NUAK1: variants seen among roughly 807,000 people sequenced by gnomAD.
NUAK1 encodes the protein NUAK family kinase 1, also known as NUAK family SNF1-like kinase 1.
A neutral mutation model predicts 56.9 loss-of-function variants in NUAK1; 26 were observed. The ratio of observed to expected loss-of-function variants is 0.46; its 90% CI spans 0.33 to 0.63. NUAK1 has a LOEUF of 0.63. NUAK1 is among the 30% of genes least tolerant of loss of function. The pLI, the probability that NUAK1 is intolerant of heterozygous loss-of-function variation, is 0.02. For missense variants in NUAK1, 727 were observed against 876.1 expected, an observed-to-expected ratio of 0.83 and a Z score of 2.15; for synonymous variants, 337 against 336.0, an observed-to-expected ratio of 1.00 and a Z score of -0.03.
At chr12:106,069,303 CCTT>C (rs1346545077) in intron 6 of NUAK1, among the ~76,000 whole-genome samples, 1 of 152,164 alleles carries the variant, frequency 6.6e-6, no homozygotes, top group Non-Finnish European at 1.5e-5. Context: ...CAACACTCTG[CCTT>C]CTTATTTCAG....
chr12:106,110,144 C>A (rs1230143536), intron 1 of NUAK1, among the ~76,000 whole-genome samples: 2 of 152,108 alleles, frequency 1.3e-5, no homozygotes, highest in Non-Finnish European at 2.9e-5. Flanking sequence ...CATCTTGAAC[C>A]CAAAAAGCAA....
chr12:106,070,583 AT>A (rs2136456020), intron 6 of NUAK1, among the ~76,000 whole-genome samples, 190 bp downstream of exon 6: 1 of 152,316 alleles, frequency 6.6e-6, no homozygotes, highest in African/African-American at 2.4e-5. Flanking sequence ...TGCTCTGAAA[AT>A]TTCCTTTGGG....
chr12:106,075,929 T>C (rs186620538), intron 4 of NUAK1, among the ~76,000 whole-genome samples: 42 of 152,374 alleles, frequency 2.8e-4, no homozygotes, highest in African/African-American at 9.9e-4. Context: ...GTTTCCATTA[T>C]ACTTAGTTTT....
In NUAK1 at chr12:106,067,244, T is replaced by C. The variant is rs115159926; in HGVS notation, c.1544A>G (p.His515Arg). 6.2e-7 allele frequency: 1 copy of C among 1,613,540 alleles called. No homozygotes were observed. The highest frequency in any genetic ancestry group is 8.5e-7 in the Non-Finnish European group (1 of 1,179,966). The change falls in exon 7 of 7, where the codon CAC (histidine) becomes CGC (arginine). Residue 515 changes from histidine to arginine, a missense_variant. Physicochemically the swap from His to Arg is conservative, Grantham distance 29. Coordinates refer to ENST00000261402, the MANE Select transcript of NUAK1 (RefSeq NM_014840.3). This position sits in a 1 kb window ranked among gnomAD's most constrained non-coding sequence, Gnocchi z 6.0. ...SPPDPARVTS[H>R]SLSCRRKGIL... ...GCCCTTCCTCCGGCAGGAGAGGCTG[T>C]GGGAGGTTACCCTGGCTGGGTCCGG... is the stretch of plus-strand genomic sequence containing the variant.
In NUAK1 at chr12:106,137,953, G is replaced by A. The variant is rs527693353; in HGVS notation, c.240+461C>T. On this transcript the variant is annotated intron_variant, in intron 1 of 6. Coordinates refer to ENST00000261402, the MANE Select transcript of NUAK1 (RefSeq NM_014840.3). ...GGGAGGATGCAGAGCAAGGAGCTGC[G>A]GGCAGATGGGTGGAAGGGGGTAGGG... Among the ~76,000 whole-genome samples, 105 of 152,324 alleles carry A rather than the reference G, an allele frequency of 6.9e-4. 3 individuals carry two copies. Among genetic ancestry groups the A allele is most frequent in the Middle Eastern group, 3.4e-3 (1 of 294 alleles).
chr12:106,074,531 C>T (rs1044412607), intron 4 of NUAK1, among the ~76,000 whole-genome samples: 21 of 152,082 alleles, frequency 1.4e-4, no homozygotes, highest in South Asian at 1.2e-3. Flanking sequence ...TATAAACCCC[C>T]GTGTCTCTAA....
Position 106,138,860 on chromosome 12 carries a change from A to C in NUAK1, c.-207T>G. On this transcript the variant is annotated 5_prime_UTR_variant, in exon 1 of 7. Transcript: ENST00000261402. The surrounding 1 kb of genome is among the most constrained non-coding windows in gnomAD (Gnocchi z 5.0). The stretch of plus-strand genomic sequence containing the variant: ...CGCCCGCGGCGCGCACGGTCCGCGC[A>C]CCGCCCCCCGGCCGCGGCGAGCTGT... 1.8e-6 allele frequency: 1 copy of C among 558,244 alleles called. No individual in the cohort carries two copies. Among genetic ancestry groups the C allele is most frequent in the Non-Finnish European group, 2.7e-6 (1 of 371,036 alleles). The allele number at this position is 558,244 out of a possible 1,614,324, so 34.6% of individuals were successfully genotyped here.
At chr12:106,089,534 G>A (rs1200382588) in intron 2 of NUAK1, among the ~76,000 whole-genome samples, 3 of 152,232 alleles carry the variant, frequency 2.0e-5, no homozygotes, top group Non-Finnish European at 4.4e-5. Context: ...GCTCACGCCT[G>A]TAATCCCAGC....
At chr12:106,106,222 G>A in intron 2 of NUAK1, 183 bp downstream of exon 2, 1 of 492,784 alleles carries the variant, frequency 2.0e-6, no homozygotes, top group Non-Finnish European at 3.6e-6. Flanking sequence ...AAAATGAGCT[G>A]CACTCATGTG....
chr12:106,086,696 C>T, intron 3 of NUAK1, 38 bp downstream of exon 3: 2 of 1,576,598 alleles, frequency 1.3e-6, no homozygotes, highest in Non-Finnish European at 1.7e-6. Flanking sequence ...CCATAAAAAC[C>T]ATCTACGGCC....
At position 106,067,810 on chromosome 12, in the gene NUAK1, T is replaced by C; in HGVS notation, c.978A>G (p.Pro326=). Residue 326 remains proline, a synonymous_variant, in exon 7 of 7, where the codon CCA becomes CCG. Transcript: ENST00000261402. This position sits in a 1 kb window ranked among gnomAD's most constrained non-coding sequence, Gnocchi z 6.0. The part of the protein sequence containing the change: ...DCDALHDSES[P]LLARIIDWHH... ...GCCAGTCAATGATCCGAGCCAGGAGTGGGGACTCAGAGTCATGGAGGGCAT... is the reference window on the plus strand; with the variant it reads ...GCCAGTCAATGATCCGAGCCAGGAGCGGGGACTCAGAGTCATGGAGGGCAT... 1 of 1,613,778 alleles carries C rather than the reference T, an allele frequency of 6.2e-7. No homozygotes were observed. The highest frequency in any genetic ancestry group is 8.5e-7 in the Non-Finnish European group (1 of 1,179,950).
At chr12:106,125,618 G>A (rs1329672999) in intron 1 of NUAK1, among the ~76,000 whole-genome samples, 1 of 152,138 alleles carries the variant, frequency 6.6e-6, no homozygotes, top group Admixed American at 6.5e-5. Context: ...GGGTTGTTAA[G>A]GGAAAAATGC....
At chr12:106,093,362 G>A (rs895770134) in intron 2 of NUAK1, among the ~76,000 whole-genome samples, 12 of 152,170 alleles carry the variant, frequency 7.9e-5, no homozygotes, top group African/African-American at 2.7e-4. Flanking sequence ...CCATTTCAAA[G>A]GATAGTAGGG....
At chr12:106,084,865 G>A (rs760408890) in intron 3 of NUAK1, among the ~76,000 whole-genome samples, 28 of 152,314 alleles carry the variant, frequency 1.8e-4, no homozygotes, top group Non-Finnish European at 3.7e-4. Flanking sequence ...ACATCATTCA[G>A]CATAAAGGAC....
chr12:106,096,779 G>A (rs1342728211), intron 2 of NUAK1, among the ~76,000 whole-genome samples: 1 of 152,190 alleles, frequency 6.6e-6, no homozygotes, highest in Non-Finnish European at 1.5e-5. Context: ...GATGACAAAC[G>A]ATCAGACCAA....
chr12:106,083,517 A>G (rs979734091), intron 4 of NUAK1, among the ~76,000 whole-genome samples: 1 of 152,072 alleles, frequency 6.6e-6, no homozygotes, highest in African/African-American at 2.4e-5. Context: ...AAGTGATAGC[A>G]GGCAAAAATA....
In NUAK1 at chr12:106,138,284, C is replaced by T; in HGVS notation, c.240+130G>A. On this transcript the variant is annotated intron_variant, in intron 1 of 6. Coordinates refer to ENST00000261402, the MANE Select transcript of NUAK1 (RefSeq NM_014840.3). This position sits in a 1 kb window ranked among gnomAD's most constrained non-coding sequence, Gnocchi z 5.0. ...TGGAGAAAGAGTGAGGAGTCTGTCTCGGGGCTTCCCAATGAGCCCCCTCTC... is the reference window on the plus strand; with the variant it reads ...TGGAGAAAGAGTGAGGAGTCTGTCTTGGGGCTTCCCAATGAGCCCCCTCTC... 7.9e-7 allele frequency: 1 copy of T among 1,271,454 alleles called. No homozygotes were observed. The highest frequency in any genetic ancestry group is 1.1e-6 in the Non-Finnish European group (1 of 949,650). The allele number at this position is 1,271,454 out of a possible 1,614,324, so 78.8% of individuals were successfully genotyped here. A position where few individuals can be genotyped will look rare whatever the true frequency, so the allele number is the denominator to read the frequency against.
intron 2 of NUAK1, among the ~76,000 whole-genome samples, chr12:106,100,029 T>A (rs1344824143): frequency 7.2e-6 from 1 of 139,726 alleles, no homozygotes; most frequent in Non-Finnish European, 1.6e-5. Context: ...TGAGCTCAAG[T>A]GAGGCCAGAG....
At chr12:106,124,789 C>T (rs1029092113) in intron 1 of NUAK1, among the ~76,000 whole-genome samples, 1 of 151,960 alleles carries the variant, frequency 6.6e-6, no homozygotes, top group East Asian at 1.9e-4. Flanking sequence ...GCAGGTGGAT[C>T]GCCTGAGGTT....
Sources: gnomAD v4.1 joint callset for allele counts (sites outside exome capture counted in the v4.1 genomes callset) on GRCh38, gnomAD v4.1.1 for gene constraint, Gnocchi (gnomAD v3.1) non-coding constraint, MANE v1.5 for transcripts, NCBI Gene and HGNC (gene_info 2026-07-23, HGNC 2026-07-21) for gene names.